NUDT14: variants seen among roughly 807,000 people sequenced by gnomAD.
The protein encoded by NUDT14 is uridine diphosphate glucose pyrophosphatase NUDT14.
Under a neutral mutation model 17.5 loss-of-function variants are expected in NUDT14, and 22 were observed. The observed-to-expected ratio is 1.26, with a 90% CI of 0.90 to 1.80. NUDT14 has a LOEUF of 1.80. Ranked by LOEUF, NUDT14 falls within the 40% of genes most tolerant of loss-of-function variation. The pLI is 0.00. For synonymous variants in NUDT14, 129 were observed against 125.8 expected, an observed-to-expected ratio of 1.03 and a Z score of -0.17; for missense variants, 296 against 295.6, an observed-to-expected ratio of 1.00 and a Z score of -0.01.
chr14:105,179,508 C>T (rs1252575991), intron 1 of NUDT14, among the ~76,000 whole-genome samples: 1 of 152,244 alleles, frequency 6.6e-6, no homozygotes, highest in Admixed American at 6.5e-5. Flanking sequence ...GGCGGGCTGC[C>T]CGCTGAGGCT....
At chr14:105,178,011 A>G (rs1433892415) in intron 1 of NUDT14, among the ~76,000 whole-genome samples, 1 of 152,174 alleles carries the variant, frequency 6.6e-6, no homozygotes, top group Non-Finnish European at 1.5e-5. Flanking sequence ...AACACTGCCC[A>G]GCACAGACCG....
At position 105,181,299 on chromosome 14, in the gene NUDT14, G is replaced by C; in HGVS notation, c.-90C>G. ...CCGACAGGAGCCTTCGGGCGGGCGCGTGACCGCGGCTCTGAGCATGCTCCG... is the reference window on the plus strand; with the variant it reads ...CCGACAGGAGCCTTCGGGCGGGCGCCTGACCGCGGCTCTGAGCATGCTCCG... On this transcript the variant is annotated 5_prime_UTR_variant, in exon 1 of 5. Coordinates refer to ENST00000392568, the MANE Select transcript of NUDT14 (RefSeq NM_177533.5). This position sits in a 1 kb window ranked among gnomAD's most constrained non-coding sequence, Gnocchi z 5.0. The C allele has an allele frequency of 3.7e-6, 2 of 538,038 alleles. No homozygotes were observed. Among genetic ancestry groups the C allele is most frequent in the Non-Finnish European group, 5.0e-6 (2 of 403,812 alleles). The allele number at this position is 538,038 out of a possible 1,614,324, so 33.3% of individuals were successfully genotyped here.
At chr14:105,176,399 G>C in intron 4 of NUDT14, 135 bp downstream of exon 4, 1 of 771,600 alleles carries the variant, frequency 1.3e-6, no homozygotes, top group Non-Finnish European at 2.2e-6. Context: ...AGGCGCATTC[G>C]GTCCAACCCT....
In NUDT14 at chr14:105,176,525, C is replaced by CCCACTCA; in HGVS notation, c.428+2_428+8dup. 1 of 1,604,528 alleles carries CCCACTCA rather than the reference C, an allele frequency of 6.2e-7. No individual in the cohort carries two copies. Among genetic ancestry groups the CCCACTCA allele is most frequent in the African/African-American group, 1.3e-5 (1 of 74,922 alleles). ...CACACCACAGGCCTGAGGGCCTGGTCCCACTCACCAGTATGTGGCGACCCG... is the reference window on the plus strand; with the variant it reads ...CACACCACAGGCCTGAGGGCCTGGTCCCACTCACCACTCACCAGTATGTGGCGACCCG... On this transcript the variant is annotated intron_variant, in intron 4 of 4. Coordinates refer to ENST00000392568, the MANE Select transcript of NUDT14 (RefSeq NM_177533.5).
intron 3 of NUDT14, 90 bp downstream of exon 3, chr14:105,176,873 G>A (rs1195232533): frequency 5.2e-6 from 8 of 1,553,348 alleles, no homozygotes; most frequent in East Asian, 4.5e-5. Context: ...TTCCCCTGGA[G>A]CCCCCTCCCA....
chr14:105,178,348 C>G (rs587621418), intron 1 of NUDT14, among the ~76,000 whole-genome samples: 39 of 152,156 alleles, frequency 2.6e-4, no homozygotes, highest in African/African-American at 9.2e-4. Context: ...GCTCGGCAGC[C>G]CCCCCACACA....
Position 105,176,605 on chromosome 14 carries a change from A to C in NUDT14, c.357T>G (p.Ala119=). The C allele has an allele frequency of 1.2e-6, 2 of 1,612,678 alleles. No individual in the cohort carries two copies. Among genetic ancestry groups the C allele is most frequent in the Non-Finnish European group, 1.7e-6 (2 of 1,179,954 alleles). ...CACACTCCTCCCAAGCCTCCTTGCA[A>C]GCCACTTCCTCCAGCGAGAGCCCAG... ...DQPGLSLEEV[A]CKEAWEECGY... is the part of the protein sequence containing the mutation. Residue 119 remains alanine, a synonymous_variant, in exon 4 of 5, where the codon GCT becomes GCG. Coordinates refer to ENST00000392568, the MANE Select transcript of NUDT14 (RefSeq NM_177533.5).
chr14:105,175,825 G>T, intron 4 of NUDT14: 1 of 1,041,150 alleles, frequency 9.6e-7, no homozygotes, highest in Admixed American at 5.2e-5. Flanking sequence ...CCATGTGCCA[G>T]GCTGACAGGT....
chr14:105,176,430 A>C (rs1037996279), intron 4 of NUDT14, 104 bp downstream of exon 4: 6 of 976,830 alleles, frequency 6.1e-6, no homozygotes, highest in Admixed American at 1.8e-5. Context: ...CATGTTGGAA[A>C]ACAAGGAGGA....
rs750730000 is a variant in NUDT14 at position 105,176,644 on chromosome 14, G to A, written c.318C>T (p.Gly106=). The A allele has an allele frequency of 1.9e-6, 3 of 1,612,758 alleles. No homozygotes were observed. The highest frequency in any genetic ancestry group is 2.2e-5 in the South Asian group (2 of 91,080). The change falls in exon 4 of 5, where the codon GGC becomes GGT. Residue 106 remains glycine (G), a synonymous_variant. Coordinates refer to ENST00000392568, the MANE Select transcript of NUDT14 (RefSeq NM_177533.5). ...SAGVTVELCA[G]LVDQPGLSLE... ...GCGAGAGCCCAGGCTGGTCCACGAG[G>A]CCGGCACACAGCTCAACTGTCACCC...
intron 1 of NUDT14, among the ~76,000 whole-genome samples, chr14:105,180,686 T>A (rs1889307435): frequency 6.6e-6 from 1 of 152,042 alleles, no homozygotes; most frequent in South Asian, 2.1e-4. Flanking sequence ...AAGTTCTCAC[T>A]CAGCTCCTTC....
intron 2 of NUDT14, 40 bp from the exon 3 acceptor site, chr14:105,177,067 C>T: frequency 1.9e-6 from 3 of 1,597,966 alleles, no homozygotes; most frequent in African/African-American, 2.7e-5. Flanking sequence ...AAGCACTCCA[C>T]TGGCCCTCGT....
intron 2 of NUDT14, 106 bp from the exon 3 acceptor site, chr14:105,177,133 G>T: frequency 9.5e-7 from 1 of 1,057,368 alleles, no homozygotes; most frequent in Non-Finnish European, 1.4e-6. Flanking sequence ...CTCCTTGCCA[G>T]CAGCCCAGGG....
In NUDT14 at chr14:105,181,186, G is replaced by A. The variant is rs1355696836; in HGVS notation, c.24C>T (p.Ser8=). The change falls in exon 1 of 5, where the codon TCC becomes TCT. Residue 8 remains serine, a synonymous_variant. Transcript: ENST00000392568. The surrounding 1 kb of genome is among the most constrained non-coding windows in gnomAD (Gnocchi z 5.0). ...AGGGTGAGGCGGCGCAGCGGCCCAC[G>A]GACGCCCCCTCGATGCGCTCCATGG... is the stretch of plus-strand genomic sequence containing the variant. MERIEGA[S]VGRCAASPYL... 4 of 1,183,266 alleles carry A rather than the reference G, an allele frequency of 3.4e-6. No homozygotes were observed. Among genetic ancestry groups the A allele is most frequent in the Non-Finnish European group, 4.2e-6 (4 of 948,274 alleles). 73.3% of individuals were successfully genotyped at this position (1,183,266 alleles called of 1,614,324 possible).
intron 2 of NUDT14, 83 bp downstream of exon 2, chr14:105,177,608 GA>G: frequency 7.7e-7 from 1 of 1,301,116 alleles, no homozygotes; most frequent in Non-Finnish European, 1.1e-6. Context: ...TCAGGGAGGA[GA>G]GGGCACCTTC....
In NUDT14 at chr14:105,181,268, C is replaced by T. The variant is rs1337948025; in HGVS notation, c.-59G>A. On this transcript the variant is annotated 5_prime_UTR_variant, in exon 1 of 5. Transcript: ENST00000392568. This position sits in a 1 kb window ranked among gnomAD's most constrained non-coding sequence, Gnocchi z 5.0. ...TGCGGGGGCCGACACGGGGCGGCGC[C>T]CTGTCCCGACAGGAGCCTTCGGGCG... 11 of 673,792 alleles carry T rather than the reference C, an allele frequency of 1.6e-5. No individual in the cohort carries two copies. The highest frequency in any genetic ancestry group is 2.1e-5 in the Non-Finnish European group (11 of 521,438). The allele number at this position is 673,792 out of a possible 1,614,324, so 41.7% of individuals were successfully genotyped here.
chr14:105,173,317 G>T lies in NUDT14; in HGVS notation c.429-56C>A. The T allele has an allele frequency of 1.4e-6, 2 of 1,446,894 alleles. No individual in the cohort carries two copies. The highest frequency in any genetic ancestry group is 9.1e-7 in the Non-Finnish European group (1 of 1,100,586). 89.6% of individuals were successfully genotyped at this position (1,446,894 alleles called of 1,614,324 possible). ...CCCACGCTGGCCCCGCTGGCCCCCT[G>T]GCCCTTCTACCACCCTCCAACCCAC... is the stretch of plus-strand genomic sequence containing the variant. On this transcript the variant is annotated intron_variant, in intron 4 of 4. Transcript: ENST00000392568. The surrounding 1 kb of genome is among the most constrained non-coding windows in gnomAD (Gnocchi z 4.7).
Position 105,179,429 on chromosome 14 carries a change from G to A in NUDT14, c.82-1694C>T, listed in dbSNP as rs1025910590. On this transcript the variant is annotated intron_variant, in intron 1 of 4. Transcript: ENST00000392568. ...TGCCGCCCAGCCCGAGCCTACATCCGTGTCCACCACAGCCACAGCCCGAAC... is the reference window on the plus strand; with the variant it reads ...TGCCGCCCAGCCCGAGCCTACATCCATGTCCACCACAGCCACAGCCCGAAC... 5.3e-5 allele frequency among the ~76,000 whole-genome samples: 8 copies of A among 152,230 alleles called. No individual in the cohort carries two copies. In the East Asian group the frequency reaches 5.8e-4, roughly 11 times the overall value.
chr14:105,177,047 C>T lies in NUDT14; in HGVS notation c.126-20G>A, dbSNP rs1391196953. Reference sequence around the variant, plus strand: ...GTCACGCTGTGTACGGGGGGAGGGGCTCAGCACAGAAGCACTCCACTGGCC... The same window carrying T: ...GTCACGCTGTGTACGGGGGGAGGGGTTCAGCACAGAAGCACTCCACTGGCC... On this transcript the variant is annotated intron_variant, in intron 2 of 4. Coordinates refer to ENST00000392568, the MANE Select transcript of NUDT14 (RefSeq NM_177533.5). The T allele has an allele frequency of 5.0e-6, 8 of 1,608,966 alleles. No homozygotes were observed. Among genetic ancestry groups the T allele is most frequent in the Middle Eastern group, 1.7e-4 (1 of 6,054 alleles).
Sources: gnomAD v4.1 joint callset for allele counts (sites outside exome capture counted in the v4.1 genomes callset) on GRCh38, gnomAD v4.1.1 for gene constraint, Gnocchi (gnomAD v3.1) non-coding constraint, MANE v1.5 for transcripts, NCBI Gene and HGNC (gene_info 2026-07-23, HGNC 2026-07-21) for gene names.